STPG2: variants seen among roughly 807,000 people sequenced by gnomAD.
STPG2 encodes sperm tail PG-rich repeat containing 2.
In STPG2, 56 loss-of-function variants were observed where a neutral mutation model predicts 54.2. The ratio of observed to expected loss-of-function variants is 1.03; its 90% confidence interval spans 0.83 to 1.29. The LOEUF is 1.29. Ranked by LOEUF, STPG2 falls within the 50% of genes most tolerant of loss-of-function variation. STPG2 has a pLI of 0.00. For synonymous variants in STPG2, 200 were observed against 181.8 expected (o/e 1.10, Z -0.81); for missense variants, 596 against 544.9 (o/e 1.09, Z -0.93).
intron 10 of STPG2, among the ~76,000 whole-genome samples, chr4:97,627,213 T>C (rs1346261099): frequency 4.6e-5 from 7 of 152,012 alleles, no homozygotes; most frequent in Non-Finnish European, 8.8e-5. Context: ...AATTGAAGAG[T>C]CCGTATTTGG....
chr4:97,753,313 G>C (rs999110433), intron 9 of STPG2, among the ~76,000 whole-genome samples: 4 of 151,808 alleles, frequency 2.6e-5, no homozygotes, highest in Non-Finnish European at 5.9e-5. Context: ...GGTACCTCAC[G>C]CAAGTGGAAC....
intron 3 of STPG2, among the ~76,000 whole-genome samples, chr4:98,123,767 A>G (rs114342763): frequency 8.2e-4 from 125 of 152,076 alleles, no homozygotes; most frequent in African/African-American, 2.6e-3. Flanking sequence ...TTGATGATCT[A>G]ATATTGCTAG....
intron 5 of STPG2, among the ~76,000 whole-genome samples, chr4:98,024,376 A>T (rs1013366469): frequency 1.3e-5 from 2 of 152,162 alleles, no homozygotes; most frequent in Non-Finnish European, 2.9e-5. Context: ...TAGCTACCCA[A>T]CTGGAACACC....
At chr4:97,839,192 G>T (rs925734237) in intron 9 of STPG2, among the ~76,000 whole-genome samples, 7 of 151,512 alleles carry the variant, frequency 4.6e-5, no homozygotes, top group African/African-American at 1.5e-4. Context: ...AGCTTCAAAG[G>T]TTCTGAAAAT....
chr4:97,743,873 A>G (rs1050028153), intron 9 of STPG2, among the ~76,000 whole-genome samples: 1 of 151,566 alleles, frequency 6.6e-6, no homozygotes, highest in African/African-American at 2.4e-5. Context: ...GATTTTGCTA[A>G]ATAGGTGCAA....
chr4:97,920,820 G>A (rs1426147225), intron 8 of STPG2, among the ~76,000 whole-genome samples: 1 of 152,174 alleles, frequency 6.6e-6, no homozygotes, highest in Non-Finnish European at 1.5e-5. Flanking sequence ...TACCTAGTGT[G>A]TGTGTTAACT....
At chr4:97,588,394 C>T (rs1048441079) in intron 10 of STPG2, among the ~76,000 whole-genome samples, 4 of 151,828 alleles carry the variant, frequency 2.6e-5, no homozygotes, top group Non-Finnish European at 5.9e-5. Flanking sequence ...CTTATACATC[C>T]AATTGGAAGG....
At chr4:97,928,494 C>A (rs1414796237) in intron 8 of STPG2, among the ~76,000 whole-genome samples, 1 of 152,102 alleles carries the variant, frequency 6.6e-6, no homozygotes, top group Non-Finnish European at 1.5e-5. Flanking sequence ...AATACCTTCA[C>A]TTCATAAACA....
chr4:97,450,511 C>T (rs1729338265), intron 4 of STPG2, among the ~76,000 whole-genome samples: 1 of 152,134 alleles, frequency 6.6e-6, no homozygotes, highest in African/African-American at 2.4e-5. Context: ...TCAGAGGGTT[C>T]ATTAAGGATG....
chr4:98,132,459 C>G (rs879674634), intron 2 of STPG2, among the ~76,000 whole-genome samples: 5 of 151,944 alleles, frequency 3.3e-5, no homozygotes, highest in Non-Finnish European at 7.4e-5. Flanking sequence ...TGAAGATGCT[C>G]TCTGGTCTCT....
intron 8 of STPG2, among the ~76,000 whole-genome samples, chr4:97,882,976 T>C (rs377146935): frequency 5.4e-5 from 8 of 146,960 alleles, no homozygotes; most frequent in Non-Finnish European, 9.0e-5. Context: ...ACATACCACA[T>C]ACACACACAC....
chr4:97,529,078 C>T (rs2148851925), intron 4 of STPG2, among the ~76,000 whole-genome samples: 1 of 152,270 alleles, frequency 6.6e-6, no homozygotes, highest in South Asian at 2.1e-4. Context: ...AAAGGGAATG[C>T]TTCTAGCTTT....
intron 9 of STPG2, among the ~76,000 whole-genome samples, chr4:97,742,365 A>C (rs1208358032): frequency 1.3e-5 from 2 of 151,176 alleles, no homozygotes; most frequent in Non-Finnish European, 3.0e-5. Context: ...AAAGTATAAT[A>C]ATAATAAAAT....
At chr4:97,799,534 G>A (rs1727310835) in intron 9 of STPG2, among the ~76,000 whole-genome samples, 1 of 152,212 alleles carries the variant, frequency 6.6e-6, no homozygotes, top group Admixed American at 6.5e-5. Flanking sequence ...GGCTTGTAGA[G>A]TTTCTGCCGA....
At chr4:98,124,781 G>A (rs888409267) in intron 3 of STPG2, among the ~76,000 whole-genome samples, 5 of 152,104 alleles carry the variant, frequency 3.3e-5, no homozygotes, top group African/African-American at 1.2e-4. Context: ...TTCCAACTTG[G>A]TTCCATTCTC....
chr4:97,597,906 T>G (rs1733341743), intron 10 of STPG2, among the ~76,000 whole-genome samples: 2 of 151,514 alleles, frequency 1.3e-5, no homozygotes, highest in Admixed American at 6.6e-5. Context: ...GAGAAAGAAA[T>G]AAAAGGCATC....
intron 9 of STPG2, among the ~76,000 whole-genome samples, chr4:97,789,063 G>A (rs905570291): frequency 1.3e-5 from 2 of 151,644 alleles, no homozygotes; most frequent in African/African-American, 4.8e-5. Flanking sequence ...ATGGTACATG[G>A]GAAAATCACT....
At position 97,682,147 on chromosome 4, in the gene STPG2, T is replaced by C. The variant is rs914361080; in HGVS notation, c.1320+30552A>G. Among the ~76,000 whole-genome samples, 5 of 151,658 alleles carry C rather than the reference T, an allele frequency of 3.3e-5. No individual in the cohort carries two copies. In the East Asian group the frequency reaches 5.8e-4, roughly 18 times the overall value. ...ATATGCTACCAAATCTAATGAATTA[T>C]ATAGGTCACAGTAAACTCTCTACTA... On this transcript the variant is annotated intron_variant, in intron 10 of 10. Transcript: ENST00000295268.
At chr4:97,490,155 T>C (rs985720128) in intron 4 of STPG2, 3 of 151,474 alleles carry the variant, frequency 2.0e-5, no homozygotes, top group African/African-American at 7.3e-5. Flanking sequence ...AATCCAATAT[T>C]ACACATTGGT....
Sources: gnomAD v4.1 joint callset for allele counts (sites outside exome capture counted in the v4.1 genomes callset) on GRCh38, gnomAD v4.1.1 for gene constraint, MANE v1.5 for transcripts, NCBI Gene and HGNC (gene_info 2026-07-23, HGNC 2026-07-21) for gene names.